Variants in ENTREP2 observed in about 807,000 individuals in gnomAD.
ENTREP2 encodes endosomal transmembrane epsin interactor 2.
At chr15:29,361,786 G>A in the ENTREP2 span, among the ~76,000 whole-genome samples, 1 of 152,180 alleles carries the variant, frequency 6.6e-6, no homozygotes, top group Admixed American at 6.5e-5. Flanking sequence ...TACAGAATCA[G>A]CCCAGGGTTA....
the ENTREP2 span, among the ~76,000 whole-genome samples, chr15:29,473,233 C>A: frequency 6.6e-6 from 1 of 152,144 alleles, no homozygotes; most frequent in Non-Finnish European, 1.5e-5. Flanking sequence ...GCTCCCACCC[C>A]CTCCTTTCCC....
chr15:29,547,361 T>C, the ENTREP2 span, among the ~76,000 whole-genome samples: 1 of 152,114 alleles, frequency 6.6e-6, no homozygotes, highest in Non-Finnish European at 1.5e-5. Flanking sequence ...GTGCTGGGAT[T>C]ACAGGCGTGA....
chr15:29,468,337 A>G, the ENTREP2 span, among the ~76,000 whole-genome samples: 3 of 152,266 alleles, frequency 2.0e-5, no homozygotes, highest in Non-Finnish European at 2.9e-5. Context: ...CAGGCTGGGC[A>G]TGGTGGCTCA....
At chr15:29,493,609 C>T in the ENTREP2 span, among the ~76,000 whole-genome samples, 1 of 151,986 alleles carries the variant, frequency 6.6e-6, no homozygotes, top group African/African-American at 2.4e-5. Flanking sequence ...GAGTAAGATC[C>T]TGTCTCTAAA....
chr15:29,310,404 C>G, the ENTREP2 span, among the ~76,000 whole-genome samples: 2 of 152,206 alleles, frequency 1.3e-5, no homozygotes, highest in Non-Finnish European at 2.9e-5. Context: ...TGGAGCAGAA[C>G]TGCCCTGGCT....
the ENTREP2 span, among the ~76,000 whole-genome samples, chr15:29,395,097 C>A: frequency 6.6e-6 from 1 of 150,974 alleles, no homozygotes; most frequent in Admixed American, 6.6e-5. Flanking sequence ...ACCATGTTAG[C>A]CAGGATGGTC....
chr15:29,184,275 G>C, the ENTREP2 span, among the ~76,000 whole-genome samples: 1 of 152,208 alleles, frequency 6.6e-6, no homozygotes, highest in African/African-American at 2.4e-5. Flanking sequence ...GTGGGCCACT[G>C]CACCCAGCCA....
the ENTREP2 span, among the ~76,000 whole-genome samples, chr15:29,331,563 CAGAATT>C: frequency 7.2e-5 from 11 of 152,302 alleles, no homozygotes; most frequent in African/African-American, 2.4e-4. Flanking sequence ...GTGCAACTGA[CAGAATT>C]AGAGGGTTCC....
the ENTREP2 span, among the ~76,000 whole-genome samples, chr15:29,571,992 G>A: frequency 6.6e-6 from 1 of 152,180 alleles, no homozygotes; most frequent in Non-Finnish European, 1.5e-5. Context: ...CCTTACTGTT[G>A]GATGAGAAAC....
chr15:29,328,560 G>T, the ENTREP2 span, among the ~76,000 whole-genome samples: 1 of 152,186 alleles, frequency 6.6e-6, no homozygotes. Context: ...GAAAATCATG[G>T]AGTCTGTAAT....
At chr15:29,132,579 T>C in the ENTREP2 span, among the ~76,000 whole-genome samples, 17 of 152,354 alleles carry the variant, frequency 1.1e-4, no homozygotes, top group African/African-American at 2.9e-4. Context: ...ACCGCAGTTC[T>C]GAGAAAGAGA....
At chr15:29,461,862 C>T in the ENTREP2 span, among the ~76,000 whole-genome samples, 18 of 152,252 alleles carry the variant, frequency 1.2e-4, no homozygotes, top group Non-Finnish European at 2.2e-4. Context: ...ATCTTCAGAA[C>T]GTCTTCCAAG....
chr15:29,145,531 G>A, the ENTREP2 span, among the ~76,000 whole-genome samples: 2 of 146,242 alleles, frequency 1.4e-5, no homozygotes, highest in African/African-American at 5.0e-5. Flanking sequence ...GCTAAGGCAG[G>A]AGAATGGCGT....
At chr15:29,290,775 G>A in the ENTREP2 span, among the ~76,000 whole-genome samples, 1 of 152,190 alleles carries the variant, frequency 6.6e-6, no homozygotes, top group Non-Finnish European at 1.5e-5. Flanking sequence ...TCTCTAGGCC[G>A]TGAACTTCTA....
the ENTREP2 span, among the ~76,000 whole-genome samples, chr15:29,646,575 G>C: frequency 6.6e-6 from 1 of 152,096 alleles, no homozygotes; most frequent in Non-Finnish European, 1.5e-5. Context: ...CCATCAGCTG[G>C]GGAAAGTCCT....
the ENTREP2 span, among the ~76,000 whole-genome samples, chr15:29,330,198 G>A: frequency 1.3e-5 from 2 of 152,106 alleles, no homozygotes; most frequent in Admixed American, 6.5e-5. Flanking sequence ...CAGCACTTTG[G>A]GAGGCCAAGG....
the ENTREP2 span, chr15:29,234,560 G>T: frequency 7.1e-7 from 1 of 1,416,942 alleles, no homozygotes; most frequent in Non-Finnish European, 1.0e-6. Flanking sequence ...AGATGTGGCA[G>T]CACGTCGACA....
At chr15:29,272,196 G>T in the ENTREP2 span, among the ~76,000 whole-genome samples, 1 of 152,324 alleles carries the variant, frequency 6.6e-6, no homozygotes, top group African/African-American at 2.4e-5. Flanking sequence ...GTATTAGAAT[G>T]AAGTTTTAGG....
At chr15:29,132,796 C>T in the ENTREP2 span, among the ~76,000 whole-genome samples, 1 of 152,164 alleles carries the variant, frequency 6.6e-6, no homozygotes, top group Non-Finnish European at 1.5e-5. Flanking sequence ...CAGGCAGGGC[C>T]CTCGGGAAGC....
Sources: allele counts gnomAD v4.1 joint callset (sites outside exome capture counted in the v4.1 genomes callset), GRCh38; gene constraint gnomAD v4.1.1; transcripts MANE v1.5; gene names NCBI Gene and HGNC (gene_info 2026-07-23, HGNC 2026-07-21).